The following STPG4 variants were observed in gnomAD, a reference collection of about 807,000 sequenced individuals.
STPG4 encodes the protein sperm-tail PG-rich repeat containing 4, also known as protein STPG4.
A neutral mutation model predicts 31.5 loss-of-function variants in STPG4; 41 were observed. The ratio of observed to expected loss-of-function variants is 1.30; its 90% CI spans 1.01 to 1.69. STPG4 has a LOEUF of 1.69. Ranked by LOEUF, STPG4 falls within the 40% of genes most tolerant of loss-of-function variation. STPG4 has a pLI of 0.00. For synonymous variants in STPG4, 141 were observed against 103.0 expected, an observed-to-expected ratio of 1.37 and a Z score of -2.24; for missense variants, 375 against 293.4, an observed-to-expected ratio of 1.28 and a Z score of -2.03.
intron 5 of STPG4, among the ~76,000 whole-genome samples, chr2:47,107,712 G>T (rs545581244): frequency 6.6e-6 from 1 of 152,164 alleles, no homozygotes; most frequent in African/African-American, 2.4e-5. Context: ...GCCCTGGTGC[G>T]GGATCCACTG....
chr2:47,120,580 A>C (rs1686248785), intron 5 of STPG4, among the ~76,000 whole-genome samples: 1 of 151,836 alleles, frequency 6.6e-6, no homozygotes, highest in African/African-American at 2.4e-5. Context: ...AAAAAAAAAG[A>C]ATGTGGTTAG....
At chr2:47,120,463 A>C (rs1436526093) in intron 5 of STPG4, among the ~76,000 whole-genome samples, 1 of 152,144 alleles carries the variant, frequency 6.6e-6, no homozygotes, top group Non-Finnish European at 1.5e-5. Context: ...GCTATTCAGG[A>C]GGCTGAAGCA....
At chr2:47,149,815 A>G (rs868535590) in intron 3 of STPG4, among the ~76,000 whole-genome samples, 5 of 152,330 alleles carry the variant, frequency 3.3e-5, no homozygotes, top group African/African-American at 4.8e-5. Flanking sequence ...CCAAGTAACA[A>G]AGTCCAAGTC....
chr2:47,146,486 G>C (rs956592014), intron 3 of STPG4, among the ~76,000 whole-genome samples: 6 of 151,466 alleles, frequency 4.0e-5, no homozygotes, highest in African/African-American at 1.5e-4. Context: ...AGCACTTTGG[G>C]AGGCCAAGGC....
intron 5 of STPG4, among the ~76,000 whole-genome samples, chr2:47,112,244 G>A (rs1413143628): frequency 1.3e-5 from 2 of 152,182 alleles, no homozygotes; most frequent in Non-Finnish European, 2.9e-5. Flanking sequence ...TCCGCTCACT[G>A]CAAACTCTGC....
chr2:47,142,281 A>G (rs2103796035), intron 3 of STPG4, among the ~76,000 whole-genome samples: 2 of 152,184 alleles, frequency 1.3e-5, no homozygotes, highest in East Asian at 3.9e-4. Context: ...GACCAAAAAA[A>G]AAGATACAGG....
intron 3 of STPG4, among the ~76,000 whole-genome samples, chr2:47,133,570 CTTTTTTTT>C (rs10682288): frequency 1.5e-5 from 1 of 67,154 alleles, no homozygotes; most frequent in East Asian, 5.1e-4. Flanking sequence ...GCACTCAAAT[CTTTTTTTT>C]TTTTTTTTTT....
At chr2:47,103,873 G>A (rs561589000) in intron 5 of STPG4, among the ~76,000 whole-genome samples, 1 of 151,996 alleles carries the variant, frequency 6.6e-6, no homozygotes, top group East Asian at 1.9e-4. Context: ...CCTGGACACT[G>A]GCACAGCCTT....
chr2:47,087,413 C>T (rs1020140542), intron 6 of STPG4, among the ~76,000 whole-genome samples: 12 of 152,220 alleles, frequency 7.9e-5, no homozygotes, highest in Admixed American at 2.6e-4. Context: ...GGTCACATGC[C>T]ACCTGCATCT....
intron 5 of STPG4, among the ~76,000 whole-genome samples, chr2:47,117,159 A>T (rs897550882): frequency 8.5e-5 from 13 of 152,060 alleles, no homozygotes; most frequent in Admixed American, 8.5e-4. Context: ...AAGCAAATGT[A>T]TTGCTAAGTT....
chr2:47,110,390 T>G (rs1320357481), intron 5 of STPG4, among the ~76,000 whole-genome samples: 1 of 152,204 alleles, frequency 6.6e-6, no homozygotes, highest in Non-Finnish European at 1.5e-5. Flanking sequence ...GGTCAGGAGT[T>G]TGAGACCAGC....
intron 3 of STPG4, among the ~76,000 whole-genome samples, chr2:47,133,943 T>A (rs1341757439): frequency 6.6e-6 from 1 of 152,106 alleles, no homozygotes; most frequent in Non-Finnish European, 1.5e-5. Flanking sequence ...ATAATTCAGT[T>A]ATGTTGCACC....
intron 5 of STPG4, among the ~76,000 whole-genome samples, chr2:47,116,873 C>G (rs1558678453): frequency 6.7e-6 from 1 of 150,368 alleles, no homozygotes; most frequent in South Asian, 2.1e-4. Flanking sequence ...CTCTCATATC[C>G]TACCTGTGGA....
At chr2:47,153,118 CAACT>C in intron 1 of STPG4, 102 bp from the exon 2 acceptor site, 1 of 716,636 alleles carries the variant, frequency 1.4e-6, no homozygotes, top group Middle Eastern at 2.9e-4. Context: ...CACCCATACC[CAACT>C]GATATGTCTT....
intron 3 of STPG4, among the ~76,000 whole-genome samples, chr2:47,145,264 G>A (rs759165905): frequency 2.6e-4 from 39 of 152,326 alleles, no homozygotes; most frequent in Non-Finnish European, 4.6e-4. Flanking sequence ...GGAGGAAGGA[G>A]TCTAATGGAA....
intron 3 of STPG4, among the ~76,000 whole-genome samples, chr2:47,142,542 G>A (rs929638429): frequency 6.6e-6 from 1 of 152,072 alleles, no homozygotes; most frequent in African/African-American, 2.4e-5. Context: ...TTACAAATGG[G>A]CATGATTGAA....
chr2:47,112,595 T>C (rs1686062836), intron 5 of STPG4, among the ~76,000 whole-genome samples: 1 of 152,178 alleles, frequency 6.6e-6, no homozygotes, highest in South Asian at 2.1e-4. Flanking sequence ...TTCTCAAAAG[T>C]ATTTGAAGAG....
intron 5 of STPG4, among the ~76,000 whole-genome samples, chr2:47,090,938 A>G (rs1259145821): frequency 6.6e-6 from 1 of 152,248 alleles, no homozygotes; most frequent in African/African-American, 2.4e-5. Context: ...CAGGCCATTC[A>G]TGAAGAGGAT....
At chr2:47,087,267 A>T in intron 6 of STPG4, 137 bp from the exon 7 acceptor site, 1 of 967,090 alleles carries the variant, frequency 1.0e-6, no homozygotes. Context: ...GCCTGGGCTG[A>T]AGCCTGGCAG....
Sources: gnomAD v4.1 joint callset for allele counts (sites outside exome capture counted in the v4.1 genomes callset) on GRCh38, gnomAD v4.1.1 for gene constraint, MANE v1.5 for transcripts, NCBI Gene and HGNC (gene_info 2026-07-23, HGNC 2026-07-21) for gene names.